RABGAP1L: variants seen among roughly 807,000 people sequenced by gnomAD.
RABGAP1L encodes RAB GTPase activating protein 1 like, also known as rab GTPase-activating protein 1-like.
Under a neutral mutation model 137.7 loss-of-function variants are expected in RABGAP1L, and 63 were observed. That is an observed-to-expected ratio of 0.46 (90% CI 0.37 to 0.56). RABGAP1L has a LOEUF of 0.56. RABGAP1L is among the 20% of genes least tolerant of loss of function. The pLI is 0.00. For missense variants in RABGAP1L, 1,095 were observed against 1,244.0 expected, an observed-to-expected ratio of 0.88 and a Z score of 1.80; for synonymous variants, 431 against 433.7, an observed-to-expected ratio of 0.99 and a Z score of 0.08.
intron 13 of RABGAP1L, among the ~76,000 whole-genome samples, chr1:174,470,219 A>G (rs1657758333): frequency 6.6e-6 from 1 of 152,144 alleles, no homozygotes; most frequent in Non-Finnish European, 1.5e-5. Flanking sequence ...ATCATTAGCT[A>G]TAAACTGATT....
chr1:174,194,104 C>G (rs1667401642), intron 1 of RABGAP1L, among the ~76,000 whole-genome samples: 1 of 152,182 alleles, frequency 6.6e-6, no homozygotes, highest in Non-Finnish European at 1.5e-5. Flanking sequence ...CAACACTGAC[C>G]TGCTTGGCTT....
chr1:174,874,825 A>G (rs1652823229), intron 19 of RABGAP1L, among the ~76,000 whole-genome samples: 1 of 152,090 alleles, frequency 6.6e-6, no homozygotes, highest in South Asian at 2.1e-4. Context: ...TTCAAAGAGT[A>G]TGTTTTTCGT....
intron 19 of RABGAP1L, among the ~76,000 whole-genome samples, chr1:174,818,611 C>T (rs192445659): frequency 8.7e-4 from 132 of 152,214 alleles, no homozygotes; most frequent in African/African-American, 3.0e-3. Flanking sequence ...CATGGTGGCT[C>T]ACACCTGTAA....
chr1:174,597,400 G>A (rs1431509002), intron 13 of RABGAP1L, among the ~76,000 whole-genome samples: 1 of 152,084 alleles, frequency 6.6e-6, no homozygotes, highest in African/African-American at 2.4e-5. Context: ...TACTTGTTAA[G>A]GGTCTATTCG....
chr1:174,925,312 C>T (rs1041599486), intron 19 of RABGAP1L, among the ~76,000 whole-genome samples: 8 of 134,664 alleles, frequency 5.9e-5, no homozygotes, highest in Non-Finnish European at 1.1e-4. Flanking sequence ...CACGCCACTG[C>T]ACTCCAGCCT....
chr1:174,200,490 T>G (rs1013452007), intron 1 of RABGAP1L, among the ~76,000 whole-genome samples: 4 of 152,168 alleles, frequency 2.6e-5, no homozygotes, highest in Non-Finnish European at 5.9e-5. Flanking sequence ...TATACAGATG[T>G]TTTTGCCATA....
At chr1:174,774,686 C>G (rs530213066) in intron 18 of RABGAP1L, among the ~76,000 whole-genome samples, 59 of 152,040 alleles carry the variant, frequency 3.9e-4, no homozygotes, top group Admixed American at 7.9e-4. Flanking sequence ...TTGAGAGAAG[C>G]CTGGGCAACA....
At chr1:174,916,403 T>C (rs1224611344) in intron 19 of RABGAP1L, among the ~76,000 whole-genome samples, 2 of 152,170 alleles carry the variant, frequency 1.3e-5, no homozygotes, top group African/African-American at 4.8e-5. Flanking sequence ...TAAATATCGC[T>C]GAAAAGAGTG....
intron 13 of RABGAP1L, among the ~76,000 whole-genome samples, chr1:174,519,384 C>T (rs61826882): frequency 0.09 from 13,615 of 152,034 alleles, 827 homozygotes; most frequent in East Asian, 0.22. Context: ...AGGAAGCATC[C>T]AGCATGGGAG....
At chr1:174,496,060 A>T (rs560825685) in intron 13 of RABGAP1L, among the ~76,000 whole-genome samples, 2 of 152,212 alleles carry the variant, frequency 1.3e-5, no homozygotes, top group African/African-American at 4.8e-5. Flanking sequence ...TTTTTTTTCT[A>T]TGTCAAACTG....
At chr1:174,483,002 G>C (rs1659268542) in intron 13 of RABGAP1L, among the ~76,000 whole-genome samples, 1 of 151,956 alleles carries the variant, frequency 6.6e-6, no homozygotes, top group African/African-American at 2.4e-5. Context: ...TTTAATTTTT[G>C]TGGGTACATG....
intron 19 of RABGAP1L, among the ~76,000 whole-genome samples, chr1:174,837,960 A>G (rs1239638546): frequency 6.6e-6 from 1 of 152,134 alleles, no homozygotes; most frequent in Non-Finnish European, 1.5e-5. Flanking sequence ...CTAGTGCTTG[A>G]CCCTAGTGAA....
intron 13 of RABGAP1L, among the ~76,000 whole-genome samples, chr1:174,629,732 C>T (rs1309161858): frequency 2.6e-5 from 4 of 152,086 alleles, no homozygotes; most frequent in Non-Finnish European, 5.9e-5. Flanking sequence ...ACCGTGTTGC[C>T]AGGCTGGTCT....
Position 174,297,592 on chromosome 1 carries a change from A to G in RABGAP1L, c.1324-7394A>G, listed in dbSNP as rs191635407. On this transcript the variant is annotated intron_variant, in intron 10 of 25. Coordinates refer to ENST00000681986, the MANE Select transcript of RABGAP1L (RefSeq NM_001366446.1). ...ATATCTAACTGCTGTTAGATTAAGG[A>G]TAAGGACTAAGACCGATCTTAACTG... Among the ~76,000 whole-genome samples, 200 of 152,244 alleles carry G rather than the reference A, an allele frequency of 1.3e-3. 1 individual carries two copies. Among genetic ancestry groups the G allele is most frequent in the African/African-American group, 4.5e-3 (186 of 41,548 alleles).
At chr1:174,844,953 T>C (rs1229206023) in intron 19 of RABGAP1L, among the ~76,000 whole-genome samples, 1 of 133,100 alleles carries the variant, frequency 7.5e-6, no homozygotes, top group Non-Finnish European at 1.6e-5. Flanking sequence ...CCCTTGTAAG[T>C]TGGATTCCTA....
At chr1:174,743,090 GAAGA>G (rs1683578247) in intron 17 of RABGAP1L, among the ~76,000 whole-genome samples, 1 of 152,174 alleles carries the variant, frequency 6.6e-6, no homozygotes, top group Non-Finnish European at 1.5e-5. Context: ...TATTGCCAAG[GAAGA>G]AGGCTTTAAT....
chr1:174,678,334 G>C (rs1010136198), intron 14 of RABGAP1L, among the ~76,000 whole-genome samples: 5 of 152,136 alleles, frequency 3.3e-5, no homozygotes, highest in Non-Finnish European at 7.3e-5. Context: ...TTCAGAAGCA[G>C]AGTGACAGAG....
chr1:174,188,472 G>A (rs2148326700), intron 1 of RABGAP1L, among the ~76,000 whole-genome samples: 2 of 152,314 alleles, frequency 1.3e-5, no homozygotes, highest in Admixed American at 1.3e-4. Context: ...TAAATAATGT[G>A]ATACGATAAA....
intron 17 of RABGAP1L, among the ~76,000 whole-genome samples, chr1:174,726,543 G>GA (rs1461143004): frequency 1.3e-5 from 2 of 151,632 alleles, no homozygotes; most frequent in Non-Finnish European, 2.9e-5. Context: ...TAAAGAGAGG[G>GA]AAAAAAATAA....
Sources: allele counts gnomAD v4.1 joint callset (sites outside exome capture counted in the v4.1 genomes callset), GRCh38; gene constraint gnomAD v4.1.1; transcripts MANE v1.5; gene names NCBI Gene and HGNC (gene_info 2026-07-23, HGNC 2026-07-21).